The following GPR158 variants were observed in gnomAD, a reference collection of about 807,000 sequenced individuals.
The protein encoded by GPR158 is G protein-coupled receptor 158.
In GPR158, 30 loss-of-function variants were observed where a neutral mutation model predicts 78.2. The observed-to-expected ratio is 0.38, with a 90% confidence interval of 0.29 to 0.52. GPR158 has a LOEUF of 0.52. Among genes scored for constraint, GPR158 ranks in the 20% least tolerant of loss-of-function variants. GPR158 has a pLI of 0.83. For synonymous variants in GPR158, 581 were observed against 591.1 expected (o/e 0.98, Z 0.25); for missense variants, 1,463 against 1,523.5 (o/e 0.96, Z 0.66).
Position 25,410,009 on chromosome 10 carries a change from A to G in GPR158, c.1112-2241A>G, listed in dbSNP as rs567849205. ...TAGGTCAGTGAAGGATAAAATAATT[A>G]TTAAATCTTGTAGCCTTTTCTCAGT... On this transcript the variant is annotated intron_variant, in intron 3 of 10. Transcript: ENST00000376351. Among the ~76,000 whole-genome samples, 3 of 152,338 alleles carry G rather than the reference A, an allele frequency of 2.0e-5. No individual in the cohort carries two copies. In the South Asian group the frequency reaches 6.2e-4, roughly 32 times the overall value.
At chr10:25,350,180 C>G (rs759335969) in intron 2 of GPR158, among the ~76,000 whole-genome samples, 4 of 151,572 alleles carry the variant, frequency 2.6e-5, no homozygotes, top group Admixed American at 2.6e-4. Flanking sequence ...CCGTAACTTA[C>G]AAATATCAGT....
intron 2 of GPR158, among the ~76,000 whole-genome samples, chr10:25,249,035 C>T (rs1292261981): frequency 1.3e-5 from 2 of 151,440 alleles, no homozygotes; most frequent in Non-Finnish European, 2.9e-5. Context: ...CTTCACATCC[C>T]TTGTAAGTTG....
At chr10:25,307,001 A>G (rs1304722791) in intron 2 of GPR158, among the ~76,000 whole-genome samples, 1 of 143,210 alleles carries the variant, frequency 7.0e-6, no homozygotes, top group African/African-American at 2.8e-5. Context: ...ACACACACAT[A>G]CGCACACACA....
chr10:25,571,161 C>T lies in GPR158; in HGVS notation c.1515-1488C>T, dbSNP rs374150242. Among the ~76,000 whole-genome samples, 13 of 152,222 alleles carry T rather than the reference C, an allele frequency of 8.5e-5. No homozygotes were observed. In the South Asian group the frequency reaches 2.7e-3, roughly 32 times the overall value. On this transcript the variant is annotated intron_variant, in intron 6 of 10. Transcript: ENST00000376351. ...GATGGCACTTAATATATTGCATATA[C>T]AGAATGGAGAGTAACTGTTAATCTG...
At chr10:25,237,003 C>G (rs918597556) in intron 2 of GPR158, among the ~76,000 whole-genome samples, 1 of 152,070 alleles carries the variant, frequency 6.6e-6, no homozygotes, top group Non-Finnish European at 1.5e-5. Flanking sequence ...AACTGAGACT[C>G]AGAAATTTTA....
At chr10:25,567,677 T>A (rs1001679828) in intron 6 of GPR158, among the ~76,000 whole-genome samples, 1 of 152,090 alleles carries the variant, frequency 6.6e-6, no homozygotes, top group Non-Finnish European at 1.5e-5. Flanking sequence ...AACTATAGGA[T>A]GTAGAGAGTG....
intron 3 of GPR158, among the ~76,000 whole-genome samples, chr10:25,401,528 A>G (rs1834446067): frequency 6.6e-6 from 1 of 152,150 alleles, no homozygotes; most frequent in Non-Finnish European, 1.5e-5. Context: ...ACTGAGATAT[A>G]ACACTTCAGT....
intron 4 of GPR158, among the ~76,000 whole-genome samples, chr10:25,442,192 A>G (rs562714893): frequency 6.7e-6 from 1 of 149,768 alleles, no homozygotes; most frequent in South Asian, 2.1e-4. Flanking sequence ...CTACAAGAAC[A>G]GAAAGGAGTT....
chr10:25,347,997 G>A (rs1336552998), intron 2 of GPR158, among the ~76,000 whole-genome samples: 1 of 151,876 alleles, frequency 6.6e-6, no homozygotes, highest in Non-Finnish European at 1.5e-5. Context: ...TGCGGCAAAT[G>A]TCTGTTGGAA....
At chr10:25,217,520 T>G (rs1474033213) in intron 1 of GPR158, among the ~76,000 whole-genome samples, 1 of 152,136 alleles carries the variant, frequency 6.6e-6, no homozygotes, top group Non-Finnish European at 1.5e-5. Flanking sequence ...CAAACCAGGA[T>G]CTTTACTTGG....
At chr10:25,382,538 G>C (rs1296287208) in intron 2 of GPR158, among the ~76,000 whole-genome samples, 2 of 152,188 alleles carry the variant, frequency 1.3e-5, no homozygotes, top group Admixed American at 6.5e-5. Context: ...CTGAATAATA[G>C]AGATAAGATG....
chr10:25,389,938 T>C (rs553407816), intron 2 of GPR158, among the ~76,000 whole-genome samples: 1 of 152,154 alleles, frequency 6.6e-6, no homozygotes, highest in East Asian at 1.9e-4. Flanking sequence ...TGGTGGGAGG[T>C]AATTGAATCA....
intron 5 of GPR158, among the ~76,000 whole-genome samples, chr10:25,515,394 G>A (rs1379562779): frequency 1.3e-5 from 2 of 149,530 alleles, no homozygotes; most frequent in Non-Finnish European, 1.5e-5. Flanking sequence ...TATACTTTAA[G>A]TTTTAGGGTA....
intron 7 of GPR158, among the ~76,000 whole-genome samples, chr10:25,580,258 T>C (rs1837170634): frequency 6.6e-6 from 1 of 152,250 alleles, no homozygotes; most frequent in African/African-American, 2.4e-5. Flanking sequence ...TTAGTTTCCA[T>C]GGATTTCACA....
chr10:25,191,760 T>A (rs1852774368), intron 1 of GPR158, among the ~76,000 whole-genome samples: 1 of 152,178 alleles, frequency 6.6e-6, no homozygotes. Flanking sequence ...ACTGCAAATT[T>A]AAAATGTCTG....
chr10:25,472,897 G>C (rs538120682), intron 5 of GPR158, among the ~76,000 whole-genome samples: 211 of 152,202 alleles, frequency 1.4e-3, no homozygotes, highest in Non-Finnish European at 1.5e-3. Flanking sequence ...ATGTCATCTG[G>C]AAACAGGGAC....
chr10:25,492,200 C>T (rs958231188), intron 5 of GPR158, among the ~76,000 whole-genome samples: 15 of 152,116 alleles, frequency 9.9e-5, no homozygotes. Context: ...TGAGAACTCA[C>T]TCCTGCAAGA....
chr10:25,497,166 C>G (rs1835893083), intron 5 of GPR158, among the ~76,000 whole-genome samples: 1 of 152,102 alleles, frequency 6.6e-6, no homozygotes, highest in African/African-American at 2.4e-5. Context: ...GAATAGCAGG[C>G]TGAGGAATTT....
intron 10 of GPR158, among the ~76,000 whole-genome samples, chr10:25,597,201 C>CA (rs376426640): frequency 4.0e-4 from 61 of 152,338 alleles, no homozygotes; most frequent in African/African-American, 1.4e-3. Context: ...GACGACATAT[C>CA]AGCATCTGAA....
Sources: allele counts gnomAD v4.1 joint callset (sites outside exome capture counted in the v4.1 genomes callset), GRCh38; gene constraint gnomAD v4.1.1; transcripts MANE v1.5; gene names NCBI Gene and HGNC (gene_info 2026-07-23, HGNC 2026-07-21).